The following ZNF804A variants were observed in gnomAD, a reference collection of about 807,000 sequenced individuals.
ZNF804A encodes the protein zinc finger protein 804A.
ZNF804A carries 2 observed loss-of-function variants against 16.5 expected under a neutral mutation model. The ratio of observed to expected loss-of-function variants is 0.12; its 90% CI spans 0.05 to 0.38. ZNF804A has a LOEUF of 0.38. Ranked by LOEUF, ZNF804A falls within the 10% of genes least tolerant of loss-of-function variation. The pLI is 0.99. For missense variants in ZNF804A, 1,473 were observed against 1,390.7 expected, an observed-to-expected ratio of 1.06 and a Z score of -0.94; for synonymous variants, 534 against 489.6, an observed-to-expected ratio of 1.09 and a Z score of -1.20.
intron 2 of ZNF804A, among the ~76,000 whole-genome samples, chr2:184,930,164 T>C (rs1685673034): frequency 6.6e-6 from 1 of 152,200 alleles, no homozygotes; most frequent in Admixed American, 6.5e-5. Context: ...GATATTACTT[T>C]AAGTTTTTAA....
chr2:184,907,818 A>C (rs191891218), intron 2 of ZNF804A, among the ~76,000 whole-genome samples: 1 of 152,280 alleles, frequency 6.6e-6, no homozygotes, highest in African/African-American at 2.4e-5. Context: ...TAGTTTGAGA[A>C]ACATTGTCAT....
chr2:184,791,679 T>C (rs757386921), intron 1 of ZNF804A, among the ~76,000 whole-genome samples: 19 of 152,276 alleles, frequency 1.2e-4, no homozygotes, highest in Middle Eastern at 3.4e-3. Flanking sequence ...TCAATGAACA[T>C]ATGCTAACAC....
At chr2:184,619,103 G>A (rs761622218) in intron 1 of ZNF804A, among the ~76,000 whole-genome samples, 3 of 152,074 alleles carry the variant, frequency 2.0e-5, no homozygotes, top group Non-Finnish European at 2.9e-5. Flanking sequence ...TGAACAAAAA[G>A]TAATCAGCAA....
chr2:184,724,296 TA>T (rs2105744040), intron 1 of ZNF804A, among the ~76,000 whole-genome samples: 1 of 151,892 alleles, frequency 6.6e-6, no homozygotes, highest in African/African-American at 2.4e-5. Context: ...GCATGTAGAA[TA>T]TATGTATTTA....
intron 1 of ZNF804A, among the ~76,000 whole-genome samples, chr2:184,701,670 G>C (rs1692921634): frequency 6.6e-6 from 1 of 151,746 alleles, no homozygotes; most frequent in Non-Finnish European, 1.5e-5. Flanking sequence ...TTAAAAATCA[G>C]GTTCTTTTTT....
chr2:184,697,880 G>A (rs1036122182), intron 1 of ZNF804A, among the ~76,000 whole-genome samples: 8 of 151,974 alleles, frequency 5.3e-5, no homozygotes, highest in Non-Finnish European at 1.2e-4. Flanking sequence ...TGTTTCACTG[G>A]AGACATTGTT....
chr2:184,637,973 T>C (rs1185803206), intron 1 of ZNF804A, among the ~76,000 whole-genome samples: 2 of 152,154 alleles, frequency 1.3e-5, no homozygotes, highest in East Asian at 3.9e-4. Flanking sequence ...CCTCCAGTAA[T>C]GGTCAGGTAT....
At chr2:184,622,382 A>T (rs973218985) in intron 1 of ZNF804A, among the ~76,000 whole-genome samples, 1 of 99,966 alleles carries the variant, frequency 1.0e-5, no homozygotes, top group Admixed American at 8.2e-5. Context: ...ATTGAGTCAA[A>T]TTTGAACTTA....
chr2:184,879,518 G>A (rs1684772536), intron 2 of ZNF804A, among the ~76,000 whole-genome samples: 2 of 151,868 alleles, frequency 1.3e-5, no homozygotes, highest in African/African-American at 4.8e-5. Context: ...CAAGGCAATT[G>A]TGTTTACAGA....
intron 1 of ZNF804A, among the ~76,000 whole-genome samples, chr2:184,676,008 G>A (rs895653522): frequency 3.8e-4 from 58 of 151,244 alleles, no homozygotes; most frequent in African/African-American, 1.3e-3. Flanking sequence ...CCACAAAGAG[G>A]GATAATATGT....
At position 184,814,016 on chromosome 2, in the gene ZNF804A, T is replaced by G. The variant is rs1173590121; in HGVS notation, c.112-52353T>G. 1.5e-4 allele frequency among the ~76,000 whole-genome samples: 21 copies of G among 139,584 alleles called. 1 individual carries two copies. The highest frequency in any genetic ancestry group is 4.5e-4 in the African/African-American group (17 of 37,832). 91.6% of individuals were successfully genotyped at this position (139,584 alleles called of 152,430 possible). A position where few individuals can be genotyped will look rare whatever the true frequency, so the allele number is the denominator to read the frequency against. ...AGCTTTTTTTTTTTTTTTTTTTTTT[T>G]TTTTTGGCTTGTCTACTACTCTGTT... On this transcript the variant is annotated intron_variant, in intron 1 of 3. Transcript: ENST00000302277.
chr2:184,675,529 A>G (rs1444873120), intron 1 of ZNF804A, among the ~76,000 whole-genome samples: 3 of 151,844 alleles, frequency 2.0e-5, no homozygotes, highest in Admixed American at 2.0e-4. Context: ...AACCTGAGAT[A>G]CCTAGATTGT....
intron 1 of ZNF804A, among the ~76,000 whole-genome samples, chr2:184,831,434 G>C (rs1695260675): frequency 6.6e-6 from 1 of 151,886 alleles, no homozygotes; most frequent in Admixed American, 6.6e-5. Context: ...GATGTTTTCT[G>C]TTATTTTCAA....
intron 1 of ZNF804A, among the ~76,000 whole-genome samples, chr2:184,725,371 AAT>A (rs1693391726): frequency 6.6e-6 from 1 of 151,698 alleles, no homozygotes. Context: ...TTAAATATGC[AAT>A]GTTATCTTTA....
intron 1 of ZNF804A, among the ~76,000 whole-genome samples, chr2:184,809,161 T>G (rs1479078634): frequency 6.6e-6 from 1 of 151,964 alleles, no homozygotes; most frequent in Non-Finnish European, 1.5e-5. Flanking sequence ...ATAATGGATA[T>G]AATTTTATAA....
In ZNF804A at chr2:184,803,319, T is replaced by C. The variant is rs545010483; in HGVS notation, c.112-63050T>C. The stretch of plus-strand genomic sequence containing the variant: ...TATTCTCATTGACGCCCACCCTGAC[T>C]GCCATATTTATAATTGCAACACCCA... On this transcript the variant is annotated intron_variant, in intron 1 of 3. Transcript: ENST00000302277. Among the ~76,000 whole-genome samples, 524 of 152,300 alleles carry C rather than the reference T, an allele frequency of 3.4e-3. 1 individual carries two copies. Among genetic ancestry groups the C allele is most frequent in the Non-Finnish European group, 5.2e-3 (354 of 68,012 alleles).
chr2:184,720,314 T>C (rs960228731), intron 1 of ZNF804A, among the ~76,000 whole-genome samples: 3 of 152,180 alleles, frequency 2.0e-5, no homozygotes, highest in Non-Finnish European at 4.4e-5. Context: ...ATATAAGAAA[T>C]TTATATTGTT....
intron 2 of ZNF804A, among the ~76,000 whole-genome samples, chr2:184,915,031 A>G (rs1204965376): frequency 1.3e-5 from 2 of 151,810 alleles, no homozygotes; most frequent in Non-Finnish European, 2.9e-5. Flanking sequence ...AGTAATTTTT[A>G]TTTTGGTTTT....
chr2:184,686,623 G>C (rs1340152038), intron 1 of ZNF804A, among the ~76,000 whole-genome samples: 1 of 152,124 alleles, frequency 6.6e-6, no homozygotes, highest in Admixed American at 6.5e-5. Context: ...TCTCTACACT[G>C]TTTTCCATGG....
Sources: allele counts gnomAD v4.1 joint callset (sites outside exome capture counted in the v4.1 genomes callset), GRCh38; gene constraint gnomAD v4.1.1; transcripts MANE v1.5; gene names NCBI Gene and HGNC (gene_info 2026-07-23, HGNC 2026-07-21).